Variants in TRAK1 observed in about 807,000 individuals in gnomAD.
TRAK1 encodes the protein trafficking kinesin-binding protein 1.
TRAK1 carries 33 observed loss-of-function variants against 92.1 expected under a neutral mutation model. That is an observed-to-expected ratio of 0.36 (90% CI 0.27 to 0.48). The LOEUF is 0.48. Among genes scored for constraint, TRAK1 ranks in the 20% least tolerant of loss-of-function variants. The pLI is 0.99. For synonymous variants in TRAK1, 521 were observed against 517.3 expected (o/e 1.01, Z -0.10); for missense variants, 1,123 against 1,257.9 (o/e 0.89, Z 1.62).
intron 2 of TRAK1, 72 bp downstream of exon 2, chr3:42,125,686 G>C: frequency 6.5e-7 from 1 of 1,529,114 alleles, no homozygotes; most frequent in Non-Finnish European, 8.9e-7. Context: ...CCCCAAATAA[G>C]ATCTTGTACT....
intron 1 of TRAK1, among the ~76,000 whole-genome samples, chr3:42,034,674 C>A (rs1052747500): frequency 6.6e-6 from 1 of 152,158 alleles, no homozygotes; most frequent in Non-Finnish European, 1.5e-5. Context: ...AACGCTGTAC[C>A]TCATGCTTGC....
At chr3:42,054,263 C>T (rs1185445943) in intron 1 of TRAK1, among the ~76,000 whole-genome samples, 1 of 152,198 alleles carries the variant, frequency 6.6e-6, no homozygotes, top group Non-Finnish European at 1.5e-5. Flanking sequence ...GAGTGACCTC[C>T]TTCAGCACCC....
At chr3:42,064,558 G>A (rs1007312441) in intron 1 of TRAK1, among the ~76,000 whole-genome samples, 2 of 152,094 alleles carry the variant, frequency 1.3e-5, no homozygotes, top group East Asian at 1.9e-4. Flanking sequence ...TAGAATGAAT[G>A]TTGCTTCATT....
intron 10 of TRAK1, among the ~76,000 whole-genome samples, chr3:42,195,652 T>C (rs1034236571): frequency 3.3e-5 from 5 of 152,104 alleles, no homozygotes; most frequent in Non-Finnish European, 5.9e-5. Context: ...ATTTCTTTTC[T>C]TCTTTGCTCC....
At chr3:42,210,393 G>T in intron 14 of TRAK1, 1 of 1,279,714 alleles carries the variant, frequency 7.8e-7, no homozygotes, top group Non-Finnish European at 9.8e-7. Flanking sequence ...GTGGGAGCAG[G>T]AAAGGCTGCT....
intron 10 of TRAK1, 106 bp downstream of exon 10, chr3:42,195,047 T>C: frequency 7.2e-7 from 1 of 1,396,150 alleles, no homozygotes; most frequent in African/African-American, 1.4e-5. Context: ...AGTTCGCTTC[T>C]CGTTGTACAG....
chr3:42,207,756 C>T lies in TRAK1; in HGVS notation c.1745-2011C>T, dbSNP rs150539843. ...CTGCGAAGCCCCGGCGTTGTTTGCA[C>T]AGTGTTGCTAGCATGCACACTTCCT... On this transcript the variant is annotated intron_variant, in intron 13 of 15. Transcript: ENST00000327628. 1.3e-4 allele frequency among the ~76,000 whole-genome samples: 20 copies of T among 152,318 alleles called. 1 individual carries two copies. The East Asian group carries it at 3.7e-3, about 28-fold the overall frequency.
intron 2 of TRAK1, among the ~76,000 whole-genome samples, chr3:42,144,376 T>G (rs1168228079): frequency 6.6e-6 from 1 of 152,168 alleles, no homozygotes; most frequent in South Asian, 2.1e-4. Flanking sequence ...CACTAATTGA[T>G]TATAGCTTCC....
chr3:42,126,916 G>C (rs774504509), intron 2 of TRAK1, among the ~76,000 whole-genome samples: 8 of 152,172 alleles, frequency 5.3e-5, no homozygotes, highest in Non-Finnish European at 8.8e-5. Context: ...GAGTCTTTGT[G>C]AATACTGCAG....
intron 2 of TRAK1, among the ~76,000 whole-genome samples, chr3:42,168,613 C>T (rs980078849): frequency 6.6e-6 from 1 of 151,970 alleles, no homozygotes; most frequent in Non-Finnish European, 1.5e-5. Flanking sequence ...ACAGAGTCTT[C>T]ACTCTGTTAC....
intron 5 of TRAK1, 111 bp from the exon 6 acceptor site, chr3:42,188,905 T>C: frequency 2.7e-6 from 2 of 735,066 alleles, no homozygotes; most frequent in South Asian, 3.5e-5. Context: ...GGGAGAGCCG[T>C]CTGGTGGGTC....
intron 1 of TRAK1, among the ~76,000 whole-genome samples, chr3:42,048,547 T>A (rs1393261587): frequency 6.7e-6 from 1 of 148,942 alleles, no homozygotes; most frequent in Non-Finnish European, 1.5e-5. Flanking sequence ...CAGTTCTTTT[T>A]TTCCTCTACA....
At chr3:42,221,071 C>CTTT (rs369421571) in intron 15 of TRAK1, among the ~76,000 whole-genome samples, 1,530 of 85,298 alleles carry the variant, frequency 0.018, 25 homozygotes, top group African/African-American at 0.037. Context: ...AGAGAAGGCT[C>CTTT]TTTTTTTTTT....
At chr3:42,125,729 A>G in intron 2 of TRAK1, 115 bp downstream of exon 2, 1 of 1,159,146 alleles carries the variant, frequency 8.6e-7, no homozygotes, top group South Asian at 1.8e-5. Context: ...CCACCTCTGG[A>G]AAGGTAGTCA....
At chr3:42,109,144 T>G (rs748775590) in intron 1 of TRAK1, among the ~76,000 whole-genome samples, 2 of 152,196 alleles carry the variant, frequency 1.3e-5, no homozygotes, top group Non-Finnish European at 2.9e-5. Context: ...TTCATTCTTA[T>G]GTCAAACGGG....
intron 2 of TRAK1, among the ~76,000 whole-genome samples, chr3:42,158,386 G>T (rs981019872): frequency 1.1e-4 from 16 of 152,106 alleles, no homozygotes; most frequent in Non-Finnish European, 2.9e-5. Context: ...CTTCTCAGGG[G>T]TTCAGAATAA....
At chr3:42,038,309 G>A (rs1369257437) in intron 1 of TRAK1, among the ~76,000 whole-genome samples, 1 of 152,156 alleles carries the variant, frequency 6.6e-6, no homozygotes, top group Non-Finnish European at 1.5e-5. Context: ...AATTTCTCTA[G>A]CCCAAAATAG....
Position 42,193,091 on chromosome 3 carries a change from G to T in TRAK1, c.786G>T (p.Gln262His), listed in dbSNP as rs759821771. ...TTGTCAAAGGGGATGCCAATGTCCA[G>T]ATTGCTAGTATCTCAGAGGAACTGG... is the stretch of plus-strand genomic sequence containing the variant. ...CVKELRDANV[Q>H]IASISEELAK... The change falls in exon 8 of 16, where the codon CAG (glutamine) becomes CAT (histidine). Residue 262 changes from glutamine to histidine, a missense_variant. Around this residue, in one of 3 missense-constraint regions of TRAK1, gnomAD observed 686 missense variants for 747.6 expected, o/e 0.92. Transcript: ENST00000327628. The T allele has an allele frequency of 1.2e-6, 2 of 1,614,132 alleles. No homozygotes were observed. Among genetic ancestry groups the T allele is most frequent in the Non-Finnish European group, 1.7e-6 (2 of 1,179,984 alleles).
At chr3:42,131,727 C>A (rs114736336) in intron 2 of TRAK1, among the ~76,000 whole-genome samples, 6,555 of 145,522 alleles carry the variant, frequency 0.045, 482 homozygotes, top group African/African-American at 0.15. Context: ...CAAAAATGAA[C>A]AACAAACAAA....
Sources: gnomAD v4.1 joint callset for allele counts (sites outside exome capture counted in the v4.1 genomes callset) on GRCh38, gnomAD v4.1.1 for gene constraint, gnomAD v4.1.1 regional missense constraint, MANE v1.5 for transcripts, NCBI Gene and HGNC (gene_info 2026-07-23, HGNC 2026-07-21) for gene names.